Variants in ZNF423 observed in about 807,000 individuals in gnomAD.
ZNF423 encodes Ebf-associated zinc finger protein.
ZNF423 carries 12 observed loss-of-function variants against 95.8 expected under a neutral mutation model. The ratio of observed to expected loss-of-function variants is 0.13; its 90% CI spans 0.08 to 0.20. The LOEUF is 0.20. ZNF423 is among the 10% of genes least tolerant of loss of function. The pLI is 1.00. For synonymous variants in ZNF423, 749 were observed against 711.9 expected, an observed-to-expected ratio of 1.05 and a Z score of -0.83; for missense variants, 1,316 against 1,737.1, an observed-to-expected ratio of 0.76 and a Z score of 4.31.
chr16:49,639,111 C>T (rs1489048998), intron 3 of ZNF423, among the ~76,000 whole-genome samples: 1 of 152,216 alleles, frequency 6.6e-6, no homozygotes. Context: ...CCCTTCACAA[C>T]ACTTGCCTGG....
intron 1 of ZNF423, among the ~76,000 whole-genome samples, chr16:49,826,486 T>C (rs933084048): frequency 3.9e-5 from 6 of 152,146 alleles, no homozygotes; most frequent in African/African-American, 1.2e-4. Flanking sequence ...AGGACTCTGA[T>C]GTTGAGGTCC....
rs1468375490 is a variant in ZNF423 at position 49,726,746 on chromosome 16, CT to C, written c.301+4024del. Among the ~76,000 whole-genome samples the C allele has an allele frequency of 4.0e-5, 6 of 150,826 alleles. No homozygotes were observed. In the East Asian group the frequency reaches 1.2e-3, roughly 30 times the overall value. On this transcript the variant is annotated intron_variant, in intron 3 of 7. Transcript: ENST00000563137. Reference sequence around the variant, plus strand: ...TCTACACTGTGGCAAAAAGCCTCATCTACAGACATCTTAGTCTAAATTTAAT... The same window carrying C: ...TCTACACTGTGGCAAAAAGCCTCATCACAGACATCTTAGTCTAAATTTAAT...
chr16:49,701,216 A>G (rs572006471), intron 3 of ZNF423, among the ~76,000 whole-genome samples: 1 of 152,336 alleles, frequency 6.6e-6, no homozygotes, highest in East Asian at 1.9e-4. Flanking sequence ...GAGATGAGTC[A>G]CACGTGGAAG....
chr16:49,799,591 T>A lies in ZNF423; in HGVS notation c.41-10045A>T, dbSNP rs1430844116. Among the ~76,000 whole-genome samples the A allele has an allele frequency of 2.0e-5, 3 of 152,094 alleles. No homozygotes were observed. The East Asian group carries it at 5.8e-4, about 29-fold the overall frequency. ...CTCCCTCTCACCCTCCTATTCCCCA[T>A]GATCACCCCAAAAGAGAAAGGCTAG... is the stretch of plus-strand genomic sequence containing the variant. On this transcript the variant is annotated intron_variant, in intron 1 of 7. Coordinates refer to ENST00000563137, the MANE Select transcript of ZNF423 (RefSeq NM_001379286.1).
chr16:49,788,893 A>G (rs2034363037), intron 2 of ZNF423, among the ~76,000 whole-genome samples: 1 of 152,248 alleles, frequency 6.6e-6, no homozygotes, highest in South Asian at 2.1e-4. Context: ...GCTCCAAGCT[A>G]CAAAACTTCA....
chr16:49,736,281 T>C (rs1447138006), intron 2 of ZNF423, among the ~76,000 whole-genome samples: 2 of 152,150 alleles, frequency 1.3e-5, no homozygotes, highest in Non-Finnish European at 2.9e-5. Flanking sequence ...AAGTTGAATA[T>C]TGGCAATCTC....
Position 49,635,783 on chromosome 16 carries a change from G to A in ZNF423, c.3393C>T (p.Pro1131=), listed in dbSNP as rs61755180. The A allele has an allele frequency of 3.6e-3, 5,734 of 1,612,652 alleles. 13 individuals carry two copies. The highest frequency in any genetic ancestry group is 4.2e-3 in the Non-Finnish European group (4,929 of 1,179,792). ...CACTCTCAAACTTGACACTGCACTC[G>A]GGGCAACGGAGGCCGGCACAGGGCC... ...ADRPCAGLRC[P]ECSVKFESAE... The change falls in exon 4 of 8, where the codon CCC becomes CCT. Residue 1131 remains proline, a synonymous_variant. Transcript: ENST00000563137. The surrounding 1 kb of genome is among the most constrained non-coding windows in gnomAD (Gnocchi z 4.8).
chr16:49,488,056 AGTGC>A lies in ZNF423; in HGVS notation c.*3215_*3218del, dbSNP rs1966872092. On this transcript the variant is annotated 3_prime_UTR_variant, in exon 8 of 8. Transcript: ENST00000563137. ...TCTCCTTATCCCCAGTGCCCTGTGCAGTGCCTGGCACCTGGGGGCAGCTCAGTAA... is the reference window on the plus strand; with the variant it reads ...TCTCCTTATCCCCAGTGCCCTGTGCACTGGCACCTGGGGGCAGCTCAGTAA... 1 of 152,260 alleles carries A rather than the reference AGTGC, an allele frequency of 6.6e-6. No homozygotes were observed. Among genetic ancestry groups the A allele is most frequent in the Admixed American group, 6.5e-5 (1 of 15,292 alleles). 9.4% of individuals were successfully genotyped at this position (152,260 alleles called of 1,614,324 possible).
intron 3 of ZNF423, among the ~76,000 whole-genome samples, chr16:49,691,289 T>C (rs1236529480): frequency 6.6e-6 from 1 of 152,198 alleles, no homozygotes; most frequent in Non-Finnish European, 1.5e-5. Flanking sequence ...AAATATTCAC[T>C]CTGTGGGATG....
intron 2 of ZNF423, among the ~76,000 whole-genome samples, chr16:49,744,562 G>T (rs976966741): frequency 1.3e-5 from 2 of 152,200 alleles, no homozygotes; most frequent in African/African-American, 4.8e-5. Context: ...CGGGGTTGGG[G>T]TGTACCCAGC....
chr16:49,648,316 C>T (rs1229839310), intron 3 of ZNF423, among the ~76,000 whole-genome samples: 2 of 152,120 alleles, frequency 1.3e-5, no homozygotes, highest in African/African-American at 4.8e-5. Flanking sequence ...CTGGTTTCTT[C>T]TTGCTGCTAA....
chr16:49,521,098 T>C (rs1968378706), intron 7 of ZNF423, among the ~76,000 whole-genome samples: 1 of 151,998 alleles, frequency 6.6e-6, no homozygotes. Flanking sequence ...AAGATCCAGA[T>C]TGAAAGCAGC....
At chr16:49,739,781 C>T (rs2033376504) in intron 2 of ZNF423, among the ~76,000 whole-genome samples, 1 of 147,748 alleles carries the variant, frequency 6.8e-6, no homozygotes, top group Non-Finnish European at 1.5e-5. Flanking sequence ...TCACTGCAGC[C>T]TTGAACTCCT....
At position 49,656,534 on chromosome 16, in the gene ZNF423, A is replaced by G. The variant is rs4347624; in HGVS notation, c.302-17660T>C. On this transcript the variant is annotated intron_variant, in intron 3 of 7. Transcript: ENST00000563137. The stretch of plus-strand genomic sequence containing the variant: ...TAAAAAAAAAAGAAAAAAAAAGGCA[A>G]GTGGGTAAATGGATGACCAAGTTCA... 6.1e-3 allele frequency among the ~76,000 whole-genome samples: 923 copies of G among 152,216 alleles called. 20 individuals carry two copies. The highest frequency in any genetic ancestry group is 0.041 in the East Asian group (214 of 5,174).
At chr16:49,772,782 C>T (rs573587244) in intron 2 of ZNF423, among the ~76,000 whole-genome samples, 5 of 152,240 alleles carry the variant, frequency 3.3e-5, no homozygotes, top group South Asian at 2.1e-4. Flanking sequence ...GACCAACACC[C>T]GAGGGAACAG....
At chr16:49,706,923 T>C (rs1481238076) in intron 3 of ZNF423, among the ~76,000 whole-genome samples, 1 of 152,080 alleles carries the variant, frequency 6.6e-6, no homozygotes, top group African/African-American at 2.4e-5. Flanking sequence ...GAGAAACCTA[T>C]AAACAAACCC....
At chr16:49,510,773 G>A (rs982011633) in intron 7 of ZNF423, among the ~76,000 whole-genome samples, 5 of 152,102 alleles carry the variant, frequency 3.3e-5, no homozygotes, top group South Asian at 2.1e-4. Context: ...GCCGCCACTC[G>A]CAGTGTTGTC....
At chr16:49,510,684 G>A (rs1218399301) in intron 7 of ZNF423, among the ~76,000 whole-genome samples, 3 of 152,222 alleles carry the variant, frequency 2.0e-5, no homozygotes, top group Non-Finnish European at 4.4e-5. Context: ...TCCCGTGTGA[G>A]AGGCTCCCTC....
rs545621198 is a variant in ZNF423, at chr16:49,523,995, T to C, written c.3734-256A>G. Among the ~76,000 whole-genome samples, 6 of 152,254 alleles carry C rather than the reference T, an allele frequency of 3.9e-5. No individual in the cohort carries two copies. The East Asian group carries it at 1.2e-3, about 29-fold the overall frequency. ...GGGCTCCATTTCCTCACTCAAAAAA[T>C]GAAGATTATAATATGTCCCTAGCTG... On this transcript the variant is annotated intron_variant, in intron 6 of 7. Coordinates refer to ENST00000563137, the MANE Select transcript of ZNF423 (RefSeq NM_001379286.1).
Sources: gnomAD v4.1 joint callset for allele counts (sites outside exome capture counted in the v4.1 genomes callset) on GRCh38, gnomAD v4.1.1 for gene constraint, Gnocchi (gnomAD v3.1) non-coding constraint, MANE v1.5 for transcripts, NCBI Gene and HGNC (gene_info 2026-07-23, HGNC 2026-07-21) for gene names.